The following ENPP6 variants were observed in gnomAD, a reference collection of about 807,000 sequenced individuals.
ENPP6 encodes the protein ectonucleotide pyrophosphatase/phosphodiesterase 6, also known as glycerophosphocholine cholinephosphodiesterase ENPP6.
Under a neutral mutation model 42.0 loss-of-function variants are expected in ENPP6, and 32 were observed. The ratio of observed to expected loss-of-function variants is 0.76; its 90% CI spans 0.58 to 1.02. ENPP6 has a LOEUF of 1.02. Ranked by LOEUF, ENPP6 falls within the 50% of genes least tolerant of loss-of-function variation. ENPP6 has a pLI of 0.00. For missense variants in ENPP6, 552 were observed against 566.8 expected (o/e 0.97, Z 0.27); for synonymous variants, 213 against 216.0 (o/e 0.99, Z 0.12).
At chr4:184,207,771 G>A (rs184937110) in intron 1 of ENPP6, among the ~76,000 whole-genome samples, 73 of 152,228 alleles carry the variant, frequency 4.8e-4, no homozygotes, top group Non-Finnish European at 7.8e-4. Flanking sequence ...GTATTCATTC[G>A]CTTGGGCTGC....
chr4:184,176,352 C>T (rs551848223), intron 1 of ENPP6, among the ~76,000 whole-genome samples: 12 of 152,266 alleles, frequency 7.9e-5, no homozygotes, highest in Admixed American at 1.3e-4. Flanking sequence ...CTCACACCAT[C>T]GCTGTGAGGT....
At chr4:184,217,451 C>A in intron 1 of ENPP6, 128 bp downstream of exon 1, 1 of 1,305,732 alleles carries the variant, frequency 7.7e-7, no homozygotes, top group Non-Finnish European at 1.0e-6. Flanking sequence ...TTTTTTTTAT[C>A]TACCTTTGAT....
intron 1 of ENPP6, among the ~76,000 whole-genome samples, chr4:184,154,486 T>C (rs1386202974): frequency 6.6e-6 from 1 of 152,196 alleles, no homozygotes; most frequent in Admixed American, 6.5e-5. Context: ...TGCTGCAATT[T>C]TAGTGAGCGT....
intron 6 of ENPP6, among the ~76,000 whole-genome samples, chr4:184,098,004 C>T (rs1028580760): frequency 1.1e-4 from 17 of 152,222 alleles, no homozygotes; most frequent in Non-Finnish European, 1.9e-4. Context: ...CGTGCGGTTC[C>T]GGAGCCCCTC....
chr4:184,162,562 AGG>A (rs1560997421), intron 1 of ENPP6, among the ~76,000 whole-genome samples: 10 of 72,962 alleles, frequency 1.4e-4, no homozygotes, highest in Non-Finnish European at 2.5e-4. Context: ...GAAGGAAAGA[AGG>A]AAGGAAGGAA....
chr4:184,116,824 G>A, intron 5 of ENPP6, 32 bp downstream of exon 5: 1 of 1,609,788 alleles, frequency 6.2e-7, no homozygotes, highest in Non-Finnish European at 8.5e-7. Context: ...GGCCCACATG[G>A]CCCTCCTCCG....
intron 6 of ENPP6, among the ~76,000 whole-genome samples, chr4:184,107,485 T>G (rs539026868): frequency 3.3e-5 from 5 of 152,330 alleles, no homozygotes; most frequent in African/African-American, 7.2e-5. Context: ...TGCTTTGCTA[T>G]GGCAGGGTCA....
intron 2 of ENPP6, among the ~76,000 whole-genome samples, chr4:184,147,365 C>T (rs923563445): frequency 6.6e-6 from 1 of 152,216 alleles, no homozygotes; most frequent in African/African-American, 2.4e-5. Context: ...CTCATTCACC[C>T]ACCCTGGATG....
At chr4:184,205,266 A>G (rs1732975318) in intron 1 of ENPP6, among the ~76,000 whole-genome samples, 1 of 152,244 alleles carries the variant, frequency 6.6e-6, no homozygotes, top group Non-Finnish European at 1.5e-5. Flanking sequence ...GAAGACAGAA[A>G]TAAATAATCT....
At chr4:184,188,208 TG>T (rs1732663971) in intron 1 of ENPP6, among the ~76,000 whole-genome samples, 1 of 152,234 alleles carries the variant, frequency 6.6e-6, no homozygotes, top group Admixed American at 6.5e-5. Flanking sequence ...CTTATGTTTA[TG>T]TTTCAATTCT....
At chr4:184,209,993 A>G (rs1733081600) in intron 1 of ENPP6, among the ~76,000 whole-genome samples, 1 of 147,026 alleles carries the variant, frequency 6.8e-6, no homozygotes, top group Non-Finnish European at 1.5e-5. Context: ...ACTAAGCTTC[A>G]TAAGTGAAGG....
At chr4:184,091,444 C>T (rs899977540) in intron 7 of ENPP6, 62 bp from the exon 8 acceptor site, 57 of 1,456,316 alleles carry the variant, frequency 3.9e-5, no homozygotes, top group African/African-American at 1.1e-4. Flanking sequence ...GTGGGCTGAA[C>T]GCAATAAAGA....
At chr4:184,197,510 C>T (rs983243464) in intron 1 of ENPP6, among the ~76,000 whole-genome samples, 8 of 152,218 alleles carry the variant, frequency 5.3e-5, no homozygotes, top group Non-Finnish European at 1.2e-4. Context: ...TAAGGGATGC[C>T]AGATGCTGGC....
chr4:184,213,790 C>T (rs1317394131), intron 1 of ENPP6, among the ~76,000 whole-genome samples: 6 of 147,870 alleles, frequency 4.1e-5, no homozygotes, highest in South Asian at 2.2e-4. Context: ...CACATGCACA[C>T]GTATGTTTAT....
intron 2 of ENPP6, among the ~76,000 whole-genome samples, chr4:184,135,952 T>C (rs935469931): frequency 6.6e-6 from 1 of 152,192 alleles, no homozygotes; most frequent in African/African-American, 2.4e-5. Context: ...AATTAAAATT[T>C]ACATTTAATG....
chr4:184,172,459 G>A (rs1466721516), intron 1 of ENPP6, among the ~76,000 whole-genome samples: 1 of 152,120 alleles, frequency 6.6e-6, no homozygotes, highest in African/African-American at 2.4e-5. Context: ...TTCAGGTTGA[G>A]GTGACTTTGG....
intron 1 of ENPP6, among the ~76,000 whole-genome samples, chr4:184,176,163 C>G (rs916974113): frequency 3.9e-5 from 6 of 152,004 alleles, no homozygotes; most frequent in African/African-American, 1.4e-4. Context: ...AGTCAATATC[C>G]CAAGGTCTTG....
Position 184,117,041 on chromosome 4 carries a change from G to C in ENPP6, c.676-6C>G, listed in dbSNP as rs1376769179. On this transcript the variant is annotated splice_region_variant and splice_polypyrimidine_tract_variant and intron_variant, in intron 4 of 7. Coordinates refer to ENST00000296741, the MANE Select transcript of ENPP6 (RefSeq NM_153343.4). Reference sequence around the variant, plus strand: ...CGGTCCTGCAGGCCCCGCTCCTGTGGGGTGGGAAAAGACAGTCATTACGGC... The same window carrying C: ...CGGTCCTGCAGGCCCCGCTCCTGTGCGGTGGGAAAAGACAGTCATTACGGC... The C allele has an allele frequency of 1.2e-6, 2 of 1,614,034 alleles. No individual in the cohort carries two copies. The highest frequency in any genetic ancestry group is 1.7e-5 in the Admixed American group (1 of 60,004).
intron 1 of ENPP6, among the ~76,000 whole-genome samples, chr4:184,162,365 C>G (rs1319169544): frequency 2.0e-5 from 3 of 152,158 alleles, no homozygotes; most frequent in African/African-American, 7.2e-5. Context: ...TCTCATCACC[C>G]TGATCTTCCT....
Sources: allele counts gnomAD v4.1 joint callset (sites outside exome capture counted in the v4.1 genomes callset), GRCh38; gene constraint gnomAD v4.1.1; transcripts MANE v1.5; gene names NCBI Gene and HGNC (gene_info 2026-07-23, HGNC 2026-07-21).